NHSL3: variants seen among roughly 807,000 people sequenced by gnomAD.
The protein encoded by NHSL3 is NHS-like protein 3.
the NHSL3 span, chr1:32,768,197 GTCTCAGTT>G: frequency 1.5e-5 from 15 of 1,011,452 alleles, no homozygotes; most frequent in Non-Finnish European, 2.2e-5. Context: ...ACATTTCTGG[GTCTCAGTT>G]TCTTTATCAC....
the NHSL3 span, among the ~76,000 whole-genome samples, chr1:32,748,650 T>C: frequency 1.3e-5 from 2 of 151,930 alleles, no homozygotes; most frequent in Admixed American, 6.6e-5. Flanking sequence ...CTTAAGAGAG[T>C]TGGGGTTGGG....
At chr1:32,748,683 T>A in the NHSL3 span, among the ~76,000 whole-genome samples, 2 of 152,180 alleles carry the variant, frequency 1.3e-5, no homozygotes, top group Non-Finnish European at 2.9e-5. Context: ...TTCCAGCCAC[T>A]TTCTTCTTGG....
chr1:32,767,379 T>A, the NHSL3 span, among the ~76,000 whole-genome samples: 1 of 152,100 alleles, frequency 6.6e-6, no homozygotes, highest in Non-Finnish European at 1.5e-5. Context: ...GTGGGTGTTG[T>A]GTGTTTACGT....
the NHSL3 span, chr1:32,765,567 G>T: frequency 7.0e-7 from 1 of 1,437,076 alleles, no homozygotes; most frequent in East Asian, 2.5e-5. Context: ...GGGTGGGGTC[G>T]GCAGATGGGC....
At chr1:32,760,296 G>C in the NHSL3 span, among the ~76,000 whole-genome samples, 110 of 152,266 alleles carry the variant, frequency 7.2e-4, no homozygotes, top group African/African-American at 2.5e-3. Flanking sequence ...GGCTGTGGGC[G>C]CGCCACCACC....
the NHSL3 span, among the ~76,000 whole-genome samples, chr1:32,745,536 C>T: frequency 7.7e-4 from 103 of 132,950 alleles, no homozygotes; most frequent in African/African-American, 2.4e-3. Flanking sequence ...CCAGCCTGGG[C>T]GACAGAGCGA....
At chr1:32,764,244 C>T in the NHSL3 span, among the ~76,000 whole-genome samples, 2 of 148,656 alleles carry the variant, frequency 1.3e-5, no homozygotes, top group South Asian at 2.2e-4. Flanking sequence ...CTTCCTGTTA[C>T]AGCTCTGGAG....
the NHSL3 span, chr1:32,771,845 T>G: frequency 6.2e-7 from 1 of 1,605,644 alleles, no homozygotes; most frequent in African/African-American, 1.3e-5. Flanking sequence ...ATGGTGCGGC[T>G]GCGCTCCGTG....
the NHSL3 span, among the ~76,000 whole-genome samples, chr1:32,744,323 C>T: frequency 6.6e-6 from 1 of 152,078 alleles, no homozygotes; most frequent in African/African-American, 2.4e-5. Context: ...TCCATGATTC[C>T]CTTGCTGACC....
the NHSL3 span, chr1:32,768,932 CTAACTA>C: frequency 1.0e-6 from 1 of 954,696 alleles, no homozygotes; most frequent in South Asian, 1.8e-5. Context: ...GTGATACACA[CTAACTA>C]TAAAGCAGTT....
chr1:32,772,852 T>C, the NHSL3 span: 19 of 1,613,728 alleles, frequency 1.2e-5, no homozygotes, highest in East Asian at 4.0e-4. Flanking sequence ...TGTCTCTTAT[T>C]TTTCTCCCCC....
At chr1:32,769,605 G>A in the NHSL3 span, 2 of 1,193,416 alleles carry the variant, frequency 1.7e-6, no homozygotes, top group South Asian at 2.6e-5. Context: ...TATTACAAAA[G>A]TAGTGCCCTG....
chr1:32,741,991 G>A, the NHSL3 span: 5 of 1,195,090 alleles, frequency 4.2e-6, no homozygotes, highest in South Asian at 1.6e-4. The surrounding 1 kb of genome is among the most constrained non-coding windows in gnomAD (Gnocchi z 4.3). Context: ...ACCTGCGGCC[G>A]AGGAGCCGGG....
the NHSL3 span, chr1:32,770,759 G>A: frequency 4.3e-5 from 68 of 1,572,966 alleles, no homozygotes; most frequent in East Asian, 6.8e-5. This position sits in a 1 kb window ranked among gnomAD's most constrained non-coding sequence, Gnocchi z 8.3. Flanking sequence ...AAGCCTGAGC[G>A]TAAGCAGCAG....
At chr1:32,771,106 T>C in the NHSL3 span, 3 of 1,612,874 alleles carry the variant, frequency 1.9e-6, no homozygotes, top group African/African-American at 2.7e-5. Flanking sequence ...CCCAGCCCCC[T>C]CAGACCGCTC....
chr1:32,771,619 T>C, the NHSL3 span: 1 of 1,612,680 alleles, frequency 6.2e-7, no homozygotes, highest in Non-Finnish European at 8.5e-7. Context: ...GCTTGTCAGC[T>C]CCCCGGCTGC....
chr1:32,742,336 GA>G, the NHSL3 span: 3 of 781,892 alleles, frequency 3.8e-6, no homozygotes, highest in South Asian at 2.0e-4. Context: ...GGCTGAGTCC[GA>G]ACACTTCCAC....
the NHSL3 span, among the ~76,000 whole-genome samples, chr1:32,763,857 A>G: frequency 6.6e-6 from 1 of 152,038 alleles, no homozygotes; most frequent in East Asian, 1.9e-4. Context: ...TACAGGTGTG[A>G]GCCACCGCGC....
the NHSL3 span, chr1:32,770,668 C>T: frequency 1.3e-6 from 2 of 1,525,492 alleles, no homozygotes; most frequent in East Asian, 2.3e-5. The surrounding 1 kb of genome is among the most constrained non-coding windows in gnomAD (Gnocchi z 8.3). Flanking sequence ...GCTGAAGCGG[C>T]CTCCACCCCC....
Sources: allele counts gnomAD v4.1 joint callset (sites outside exome capture counted in the v4.1 genomes callset), GRCh38; gene constraint gnomAD v4.1.1; non-coding constraint Gnocchi (gnomAD v3.1); transcripts MANE v1.5; gene names NCBI Gene and HGNC (gene_info 2026-07-23, HGNC 2026-07-21).